EXT2: variants seen among roughly 807,000 people sequenced by gnomAD.
The protein encoded by EXT2 is exostosin-2.
EXT2 carries 53 observed loss-of-function variants against 81.6 expected under a neutral mutation model. That is an observed-to-expected ratio of 0.65 (90% CI 0.52 to 0.82). The LOEUF is 0.82. Among genes scored for constraint, EXT2 ranks in the 40% least tolerant of loss-of-function variants. The probability of loss-of-function intolerance (pLI) is 0.00; values close to 1 mark genes in which losing one functional copy is unlikely to be tolerated. For synonymous variants in EXT2, 320 were observed against 340.0 expected, an observed-to-expected ratio of 0.94 and a Z score of 0.65; for missense variants, 774 against 910.2, an observed-to-expected ratio of 0.85 and a Z score of 1.93.
chr11:44,212,659 T>G (rs550414004), intron 10 of EXT2, among the ~76,000 whole-genome samples: 1 of 152,238 alleles, frequency 6.6e-6, no homozygotes, highest in Non-Finnish European at 1.5e-5. Flanking sequence ...GCATAAAGAC[T>G]TATAAGATCC....
At chr11:44,134,220 C>T (rs1236447034) in intron 7 of EXT2, among the ~76,000 whole-genome samples, 1 of 152,024 alleles carries the variant, frequency 6.6e-6, no homozygotes, top group East Asian at 1.9e-4. Context: ...TCTCAGTTGG[C>T]CTTTTATTGT....
At chr11:44,107,568 A>C in intron 1 of EXT2, 115 bp from the exon 2 acceptor site, 1 of 941,176 alleles carries the variant, frequency 1.1e-6, no homozygotes, top group Non-Finnish European at 1.6e-6. Flanking sequence ...TGAGTGACAG[A>C]GTGAAACCCT....
intron 7 of EXT2, among the ~76,000 whole-genome samples, chr11:44,141,044 A>G (rs746633724): frequency 6.6e-6 from 1 of 152,182 alleles, no homozygotes; most frequent in Non-Finnish European, 1.5e-5. Context: ...TGTGGGGAAG[A>G]GTACAGTCAT....
At chr11:44,182,916 C>G (rs1163235365) in intron 8 of EXT2, among the ~76,000 whole-genome samples, 1 of 152,122 alleles carries the variant, frequency 6.6e-6, no homozygotes, top group Admixed American at 6.5e-5. Flanking sequence ...AAGTCTAGAA[C>G]AATTTCTCAG....
intron 10 of EXT2, among the ~76,000 whole-genome samples, chr11:44,222,191 T>G (rs1208024226): frequency 6.6e-6 from 1 of 152,136 alleles, no homozygotes; most frequent in Non-Finnish European, 1.5e-5. Flanking sequence ...GCTGAAGATT[T>G]CAGGGGTTGG....
chr11:44,212,400 A>G lies in EXT2; in HGVS notation c.1662+5441A>G, dbSNP rs189132167. Among the ~76,000 whole-genome samples the G allele has an allele frequency of 4.7e-3, 710 of 152,054 alleles. 2 individuals are homozygous for G. Among genetic ancestry groups the G allele is most frequent in the South Asian group, 8.1e-3 (39 of 4,814 alleles). On this transcript the variant is annotated intron_variant, in intron 10 of 13. Coordinates refer to ENST00000533608, the MANE Select transcript of EXT2 (RefSeq NM_207122.2). Reference sequence around the variant, plus strand: ...ACACACAAAAAAAGTCCTCAACATCATAGTCACTACAACAGTTTTAAAATA... The same window carrying G: ...ACACACAAAAAAAGTCCTCAACATCGTAGTCACTACAACAGTTTTAAAATA...
chr11:44,225,585 C>T lies in EXT2; in HGVS notation c.1663-6768C>T, dbSNP rs564089437. On this transcript the variant is annotated intron_variant, in intron 10 of 13. Transcript: ENST00000533608. ...CCACTGGCACCACAGAGCTGAAGAA[C>T]ATTGACCCTGAATGTCGTTTTTGAC... 1.1e-4 allele frequency among the ~76,000 whole-genome samples: 16 copies of T among 152,348 alleles called. No homozygotes were observed. In the East Asian group the frequency reaches 2.9e-3, roughly 27 times the overall value.
intron 13 of EXT2, 38 bp downstream of exon 13, chr11:44,236,413 T>C (rs775236523): frequency 6.3e-7 from 1 of 1,587,978 alleles, no homozygotes; most frequent in South Asian, 1.1e-5. Context: ...CCTTAGCCTC[T>C]GATCTCTATT....
At chr11:44,161,368 C>T (rs533539226) in intron 7 of EXT2, among the ~76,000 whole-genome samples, 3 of 152,212 alleles carry the variant, frequency 2.0e-5, no homozygotes, top group African/African-American at 7.2e-5. Context: ...ATGGCATGCA[C>T]CTCTAGCCAC....
In EXT2 at chr11:44,096,348, T is replaced by C. The variant is rs11037860; in HGVS notation, c.-31+496T>C. ...TAGGGAAGGGGCCAGGGGCATGTTATGCCGGGGACTGGGTGGTCGGGGGCG... is the reference window on the plus strand; with the variant it reads ...TAGGGAAGGGGCCAGGGGCATGTTACGCCGGGGACTGGGTGGTCGGGGGCG... On this transcript the variant is annotated intron_variant, in intron 1 of 13. Coordinates refer to ENST00000533608, the MANE Select transcript of EXT2 (RefSeq NM_207122.2). The C allele has an allele frequency of 7.2e-6, 11 of 1,531,740 alleles. No individual in the cohort carries two copies. The Admixed American group carries it at 2.2e-4, about 30-fold the overall frequency. The allele number at this position is 1,531,740 out of a possible 1,614,324, so 94.9% of individuals were successfully genotyped here.
chr11:44,159,457 A>G (rs1215604751), intron 7 of EXT2, among the ~76,000 whole-genome samples: 1 of 151,940 alleles, frequency 6.6e-6, no homozygotes, highest in Non-Finnish European at 1.5e-5. Context: ...CTTCATTTTC[A>G]TTACAGTGTG....
intron 7 of EXT2, among the ~76,000 whole-genome samples, chr11:44,133,576 G>A (rs553971783): frequency 2.0e-5 from 3 of 152,306 alleles, no homozygotes; most frequent in African/African-American, 7.2e-5. Flanking sequence ...TTTTCCCTCT[G>A]AGTATTTAAA....
chr11:44,241,404 C>T (rs1358005017), intron 13 of EXT2, among the ~76,000 whole-genome samples: 1 of 152,194 alleles, frequency 6.6e-6, no homozygotes, highest in Non-Finnish European at 1.5e-5. Flanking sequence ...TGTTCATCTC[C>T]TAACATAGGG....
At chr11:44,096,181 C>A in intron 1 of EXT2, 1 of 1,419,618 alleles carries the variant, frequency 7.0e-7, no homozygotes, top group Non-Finnish European at 9.6e-7. Flanking sequence ...CGCCCTCCGC[C>A]CTCCGCCGTG....
In EXT2 at chr11:44,251,813, T is replaced by C. The variant is rs1425934237; in HGVS notation, c.*7526T>C. Among the ~76,000 whole-genome samples, 2 of 152,236 alleles carry C rather than the reference T, an allele frequency of 1.3e-5. No individual in the cohort carries two copies. Among genetic ancestry groups the C allele is most frequent in the Non-Finnish European group, 2.9e-5 (2 of 68,036 alleles). Reference sequence around the variant, plus strand: ...ACAAATACTTATTGAGCAGTTATTGTGTGCCAGATACTGTTCTTGGTGTGA... The same window carrying C: ...ACAAATACTTATTGAGCAGTTATTGCGTGCCAGATACTGTTCTTGGTGTGA... On this transcript the variant is annotated 3_prime_UTR_variant, in exon 14 of 14. Coordinates refer to ENST00000533608, the MANE Select transcript of EXT2 (RefSeq NM_207122.2).
At chr11:44,182,660 T>G (rs1225533437) in intron 8 of EXT2, among the ~76,000 whole-genome samples, 2 of 152,212 alleles carry the variant, frequency 1.3e-5, no homozygotes, top group Non-Finnish European at 2.9e-5. Context: ...TGGGTACATG[T>G]GTATGTGTAT....
At chr11:44,178,016 T>G (rs1357639229) in intron 8 of EXT2, among the ~76,000 whole-genome samples, 1 of 152,234 alleles carries the variant, frequency 6.6e-6, no homozygotes, top group Non-Finnish European at 1.5e-5. Context: ...GGACTTCCTC[T>G]AAGCCTCAGT....
chr11:44,176,547 C>T (rs1329570315), intron 8 of EXT2, among the ~76,000 whole-genome samples: 3 of 152,062 alleles, frequency 2.0e-5, no homozygotes, highest in Non-Finnish European at 2.9e-5. Context: ...GTGACAAGAG[C>T]CCTGATTTAA....
At chr11:44,097,765 T>A (rs200637504) in intron 1 of EXT2, among the ~76,000 whole-genome samples, 116 of 4,742 alleles carry the variant, frequency 0.024, 12 homozygotes, top group African/African-American at 0.14. Flanking sequence ...TCTCAAAAAA[T>A]AAATAAATAA....
Sources: allele counts gnomAD v4.1 joint callset (sites outside exome capture counted in the v4.1 genomes callset), GRCh38; gene constraint gnomAD v4.1.1; transcripts MANE v1.5; gene names NCBI Gene and HGNC (gene_info 2026-07-23, HGNC 2026-07-21).